Variants in GSS observed in about 807,000 individuals in gnomAD.
GSS encodes the protein glutathione synthetase, also known as GSH synthetase.
In GSS, 34 loss-of-function variants were observed where a neutral mutation model predicts 60.4. The ratio of observed to expected loss-of-function variants is 0.56; its 90% CI spans 0.43 to 0.75. The LOEUF (loss-of-function observed/expected upper bound fraction) is 0.75, where lower values mean the gene tolerates loss of function less well. Among genes scored for constraint, GSS ranks in the 30% least tolerant of loss-of-function variants. The pLI, the probability that GSS is intolerant of heterozygous loss-of-function variation, is 0.00. For missense variants in GSS, 499 were observed against 595.1 expected, an observed-to-expected ratio of 0.84 and a Z score of 1.68; for synonymous variants, 224 against 239.0, an observed-to-expected ratio of 0.94 and a Z score of 0.58.
chr20:34,937,481 C>G (rs185162939), intron 6 of GSS, among the ~76,000 whole-genome samples: 1 of 152,098 alleles, frequency 6.6e-6, no homozygotes, highest in South Asian at 2.1e-4. Context: ...GGCTCTATTA[C>G]TAGATTGTAA....
chr20:34,940,180 G>T (rs924658114), intron 6 of GSS, among the ~76,000 whole-genome samples: 1 of 152,128 alleles, frequency 6.6e-6, no homozygotes, highest in African/African-American at 2.4e-5. Flanking sequence ...CTCTCACAAT[G>T]GGGGAAGCCA....
intron 6 of GSS, among the ~76,000 whole-genome samples, chr20:34,938,968 T>C (rs2081462479): frequency 6.6e-6 from 1 of 152,064 alleles, no homozygotes; most frequent in Non-Finnish European, 1.5e-5. Flanking sequence ...TGGCTGGGCA[T>C]GGTAGCTCAC....
intron 11 of GSS, among the ~76,000 whole-genome samples, chr20:34,930,394 C>G (rs543275377): frequency 2.6e-5 from 4 of 152,312 alleles, no homozygotes; most frequent in Admixed American, 2.6e-4. Flanking sequence ...GAACCTGCCC[C>G]TCCTGGACCT....
At chr20:34,944,549 C>T (rs2081506510) in intron 3 of GSS, among the ~76,000 whole-genome samples, 1 of 152,154 alleles carries the variant, frequency 6.6e-6, no homozygotes, top group South Asian at 2.1e-4. Context: ...CAACAAAAGT[C>T]TAATTTCTGT....
chr20:34,939,112 C>T (rs770643007), intron 6 of GSS, among the ~76,000 whole-genome samples: 4 of 152,114 alleles, frequency 2.6e-5, no homozygotes, highest in African/African-American at 4.8e-5. Context: ...TGGTGGTGGG[C>T]ACCTGTAATC....
At chr20:34,951,670 CG>C in intron 2 of GSS, 53 bp downstream of exon 2, 1 of 1,563,668 alleles carries the variant, frequency 6.4e-7, no homozygotes, top group Non-Finnish European at 8.7e-7. Context: ...TCAGCCTGGC[CG>C]GGGCCAGACA....
chr20:34,937,066 G>A, intron 6 of GSS, 43 bp from the exon 7 acceptor site: 1 of 1,464,242 alleles, frequency 6.8e-7, no homozygotes, highest in African/African-American at 1.4e-5. Flanking sequence ...TATAGAACTT[G>A]TTCTTCTTTT....
chr20:34,947,982 ATGTTGCC>A (rs1272731802), intron 2 of GSS, among the ~76,000 whole-genome samples: 4 of 130,342 alleles, frequency 3.1e-5, no homozygotes, highest in Non-Finnish European at 6.3e-5. Context: ...GGGTCTTACT[ATGTTGCC>A]CAGACTGGAA....
chr20:34,955,354 T>A (rs1312159358), intron 1 of GSS: 4 of 152,276 alleles, frequency 2.6e-5, no homozygotes, highest in Non-Finnish European at 5.9e-5. Flanking sequence ...CTTAGGCCAG[T>A]GCCTGGAAAG....
chr20:34,942,070 G>A (rs912757677), intron 5 of GSS, among the ~76,000 whole-genome samples: 4 of 152,078 alleles, frequency 2.6e-5, no homozygotes, highest in East Asian at 3.9e-4. Flanking sequence ...ACCTACCCTA[G>A]TGTCCCAGTG....
At chr20:34,943,666 C>T (rs1266865038) in intron 3 of GSS, among the ~76,000 whole-genome samples, 5 of 152,146 alleles carry the variant, frequency 3.3e-5, no homozygotes, top group Non-Finnish European at 7.4e-5. Flanking sequence ...GTCAGATCCC[C>T]CTACTATGTG....
chr20:34,951,763 T>A lies in GSS; in HGVS notation c.90A>T (p.Gly30=), dbSNP rs1182355087. 1.2e-6 allele frequency: 2 copies of A among 1,612,862 alleles called. No homozygotes were observed. Among genetic ancestry groups the A allele is most frequent in the Middle Eastern group, 1.6e-4 (1 of 6,062 alleles). The change falls in exon 2 of 13, where the codon GGA becomes GGT. Residue 30 remains glycine, a synonymous_variant. Coordinates refer to ENST00000651619, the MANE Select transcript of GSS (RefSeq NM_000178.4). The part of the protein sequence containing the change: ...RQAVDRALAE[G]VLLRTSQEPT... ...GCTCCTGTGAGGTCCTCAGCAATAC[T>A]CCCTCAGCCAGGGCCCGGTCCACGG...
At chr20:34,951,303 G>A (rs1419332504) in intron 2 of GSS, among the ~76,000 whole-genome samples, 11 of 152,168 alleles carry the variant, frequency 7.2e-5, no homozygotes, top group Non-Finnish European at 4.4e-5. Context: ...ACCTATCTAT[G>A]TATATAAATG....
rs757968278 is a variant in GSS, at chr20:34,941,746, AT to A, written c.574del (p.Ile192LeufsTer17). ...NNPSKGLALG[I>X]AKAWELYGSP... ...GCCGTAGAGCTCCCAGGCTTTGGCA[AT>A]TCCCAGGGCCAGTCCCTTGCTGGGA... On this transcript the variant is annotated frameshift_variant, in exon 6 of 13. Transcript: ENST00000651619. LOFTEE classifies it high-confidence loss of function. The A allele has an allele frequency of 1.9e-6, 3 of 1,611,046 alleles. No individual in the cohort carries two copies. The highest frequency in any genetic ancestry group is 2.5e-6 in the Non-Finnish European group (3 of 1,178,432).
chr20:34,933,494 C>T (rs2081418010), intron 9 of GSS: 1 of 153,698 alleles, frequency 6.5e-6, no homozygotes, highest in Non-Finnish European at 1.5e-5. Context: ...GGGATCATGC[C>T]TCCCAACTCT....
At chr20:34,952,396 C>G (rs1437730963) in intron 1 of GSS, 2 of 166,250 alleles carry the variant, frequency 1.2e-5, no homozygotes, top group African/African-American at 4.8e-5. Flanking sequence ...CCCAGAGACT[C>G]TGATGCAAGA....
At chr20:34,929,190 G>C in intron 12 of GSS, 1 of 690,972 alleles carries the variant, frequency 1.4e-6, no homozygotes, top group Non-Finnish European at 2.5e-6. Flanking sequence ...TTCTCATCAG[G>C]GCTTCATCTG....
intron 2 of GSS, among the ~76,000 whole-genome samples, chr20:34,948,968 G>A (rs972942221): frequency 2.0e-5 from 3 of 152,156 alleles, no homozygotes; most frequent in African/African-American, 7.2e-5. Context: ...ATGCAGGAAA[G>A]TAGGCCAGAG....
chr20:34,939,766 T>A (rs183815035), intron 6 of GSS, among the ~76,000 whole-genome samples: 1 of 152,006 alleles, frequency 6.6e-6, no homozygotes, highest in African/African-American at 2.4e-5. Flanking sequence ...CCTCCCGGGT[T>A]CAAGTGATTC....
Sources: gnomAD v4.1 joint callset for allele counts (sites outside exome capture counted in the v4.1 genomes callset) on GRCh38, gnomAD v4.1.1 for gene constraint, MANE v1.5 for transcripts, NCBI Gene and HGNC (gene_info 2026-07-23, HGNC 2026-07-21) for gene names.